NHSL1: variants seen among roughly 807,000 people sequenced by gnomAD.
NHSL1 encodes the protein NHS like 1.
Under a neutral mutation model 95.0 loss-of-function variants are expected in NHSL1, and 48 were observed. The observed-to-expected ratio is 0.51, with a 90% CI of 0.40 to 0.64. NHSL1 has a LOEUF of 0.64. NHSL1 is among the 30% of genes least tolerant of loss of function. The pLI, the probability that NHSL1 is intolerant of heterozygous loss-of-function variation, is 0.00. For missense variants in NHSL1, 1,971 were observed against 2,077.7 expected, an observed-to-expected ratio of 0.95 and a Z score of 1.00; for synonymous variants, 783 against 833.9, an observed-to-expected ratio of 0.94 and a Z score of 1.05.
At chr6:138,515,212 G>C (rs1427721662) in intron 1 of NHSL1, among the ~76,000 whole-genome samples, 1 of 152,148 alleles carries the variant, frequency 6.6e-6, no homozygotes, top group African/African-American at 2.4e-5. Flanking sequence ...AGTTGACCAT[G>C]GGTAACTGAA....
chr6:138,680,907 G>A (rs1403853145), intron 1 of NHSL1, among the ~76,000 whole-genome samples: 36 of 152,182 alleles, frequency 2.4e-4, no homozygotes, highest in Non-Finnish European at 5.9e-5. Flanking sequence ...ATGAGCCACC[G>A]TGCCCAGCCC....
intron 1 of NHSL1, among the ~76,000 whole-genome samples, chr6:138,569,519 C>T (rs1246887862): frequency 2.0e-5 from 3 of 152,176 alleles, no homozygotes; most frequent in East Asian, 1.9e-4. Context: ...CAAATCCTAA[C>T]GTGGCCATTG....
chr6:138,638,598 C>T (rs1161574073), intron 1 of NHSL1, among the ~76,000 whole-genome samples: 2 of 152,008 alleles, frequency 1.3e-5, no homozygotes, highest in East Asian at 3.9e-4. Context: ...GAATCTACAT[C>T]AAAAGAAAAA....
At chr6:138,679,253 G>C (rs555681293) in intron 1 of NHSL1, among the ~76,000 whole-genome samples, 2 of 152,196 alleles carry the variant, frequency 1.3e-5, no homozygotes, top group African/African-American at 4.8e-5. Context: ...TTGGTGAAGG[G>C]GAAAGGGAAA....
intron 1 of NHSL1, among the ~76,000 whole-genome samples, chr6:138,594,738 T>C (rs947097818): frequency 6.6e-5 from 10 of 152,174 alleles, no homozygotes; most frequent in Non-Finnish European, 1.5e-4. Flanking sequence ...AAGGGCTACA[T>C]AGCAAGATTT....
At position 138,578,782 on chromosome 6, in the gene NHSL1, G is replaced by C. The variant is rs79678499; in HGVS notation, c.97-82411C>G. 3.3e-5 allele frequency among the ~76,000 whole-genome samples: 5 copies of C among 152,150 alleles called. No homozygotes were observed. In the East Asian group the frequency reaches 9.7e-4, roughly 29 times the overall value. On this transcript the variant is annotated intron_variant, in intron 1 of 3. Transcript: ENST00000491526. ...GAGTGTGATTCAGGTCTGGGGAAGGGACTGCAATTCTGAACTCCTAGAAGC... is the reference window on the plus strand; with the variant it reads ...GAGTGTGATTCAGGTCTGGGGAAGGCACTGCAATTCTGAACTCCTAGAAGC...
upstream of NHSL1, among the ~76,000 whole-genome samples, chr6:138,503,154 T>C (rs1235985353): frequency 2.0e-5 from 3 of 152,226 alleles, no homozygotes; most frequent in African/African-American, 2.4e-5. Flanking sequence ...AATGGTGTTT[T>C]TCTTTCTCCT....
At chr6:138,636,815 T>C (rs1320024412) in intron 1 of NHSL1, among the ~76,000 whole-genome samples, 2 of 152,068 alleles carry the variant, frequency 1.3e-5, no homozygotes, top group Non-Finnish European at 2.9e-5. Flanking sequence ...AAAATCAACA[T>C]TGTTAAAATG....
intron 3 of NHSL1, among the ~76,000 whole-genome samples, chr6:138,470,782 C>T (rs1778700194): frequency 6.6e-6 from 1 of 152,130 alleles, no homozygotes; most frequent in African/African-American, 2.4e-5. Context: ...CAGGCAGGTC[C>T]TCCCCACTGT....
At chr6:138,584,606 C>T (rs893715731) in intron 1 of NHSL1, among the ~76,000 whole-genome samples, 2 of 152,052 alleles carry the variant, frequency 1.3e-5, no homozygotes, top group East Asian at 1.9e-4. Flanking sequence ...GAACAAAAGG[C>T]CTAAAGAACA....
At chr6:138,454,159 G>A (rs1777423338) in intron 3 of NHSL1, among the ~76,000 whole-genome samples, 1 of 151,868 alleles carries the variant, frequency 6.6e-6, no homozygotes, top group African/African-American at 2.4e-5. Flanking sequence ...CCTGAATTTT[G>A]TGTTCCTAAT....
At chr6:138,633,228 T>C (rs1784843037) in intron 1 of NHSL1, among the ~76,000 whole-genome samples, 1 of 152,112 alleles carries the variant, frequency 6.6e-6, no homozygotes, top group Admixed American at 6.5e-5. Flanking sequence ...GACAAATGTA[T>C]ATTGGCCTTA....
intron 2 of NHSL1, among the ~76,000 whole-genome samples, chr6:138,480,125 C>A (rs576031230): frequency 3.3e-5 from 5 of 152,162 alleles, no homozygotes; most frequent in Non-Finnish European, 7.4e-5. Flanking sequence ...AAAGAACTGA[C>A]GGAAGCAGCA....
chr6:138,597,663 A>G (rs1784319282), intron 1 of NHSL1, among the ~76,000 whole-genome samples: 1 of 152,196 alleles, frequency 6.6e-6, no homozygotes, highest in Non-Finnish European at 1.5e-5. Flanking sequence ...GTAATTCCAC[A>G]CACATGTAAG....
At chr6:138,625,494 A>T (rs1784724343) in intron 1 of NHSL1, among the ~76,000 whole-genome samples, 1 of 151,914 alleles carries the variant, frequency 6.6e-6, no homozygotes, top group Non-Finnish European at 1.5e-5. Flanking sequence ...CTGGTCTAGA[A>T]CTTATCACCA....
intron 1 of NHSL1, among the ~76,000 whole-genome samples, chr6:138,619,005 A>G (rs1784618326): frequency 6.6e-6 from 1 of 152,104 alleles, no homozygotes; most frequent in Non-Finnish European, 1.5e-5. Flanking sequence ...CTCTTATAGG[A>G]GAGCAAGAAA....
At chr6:138,656,825 A>C (rs985374368) in intron 1 of NHSL1, among the ~76,000 whole-genome samples, 1 of 152,198 alleles carries the variant, frequency 6.6e-6, no homozygotes, top group Non-Finnish European at 1.5e-5. Context: ...CTGCCAAAAA[A>C]GGGAAGCCTA....
chr6:138,572,299 C>T (rs1026924403), exon 1 of NHSL1: 1 of 165,424 alleles, frequency 6.0e-6, no homozygotes, highest in African/African-American at 2.4e-5. Context: ...GTGTCCCTAG[C>T]ATCCCAAATT....
At chr6:138,621,206 G>A (rs1169431304) in intron 1 of NHSL1, among the ~76,000 whole-genome samples, 7 of 152,114 alleles carry the variant, frequency 4.6e-5, no homozygotes, top group Non-Finnish European at 1.0e-4. Flanking sequence ...TGCTACAAAT[G>A]GTATGCAAGT....
Sources: gnomAD v4.1 joint callset for allele counts (sites outside exome capture counted in the v4.1 genomes callset) on GRCh38, gnomAD v4.1.1 for gene constraint, MANE v1.5 for transcripts, NCBI Gene and HGNC (gene_info 2026-07-23, HGNC 2026-07-21) for gene names.